ARID1B: variants seen among roughly 807,000 people sequenced by gnomAD.
The protein encoded by ARID1B is AT-rich interaction domain 1B.
Under a neutral mutation model 212.3 loss-of-function variants are expected in ARID1B, and 30 were observed. The ratio of observed to expected loss-of-function variants is 0.14; its 90% confidence interval spans 0.11 to 0.19. ARID1B has a LOEUF of 0.19. Ranked by LOEUF, ARID1B falls within the 10% of genes least tolerant of loss-of-function variation. The pLI is 1.00. For synonymous variants in ARID1B, 1,402 were observed against 1,301.7 expected, an observed-to-expected ratio of 1.08 and a Z score of -1.66; for missense variants, 2,891 against 3,204.0, an observed-to-expected ratio of 0.90 and a Z score of 2.36.
rs1238523085 is a variant in ARID1B, at chr6:156,778,513, C to T, written c.833C>T (p.Pro278Leu). ...EDDAPPKMGE[P>L]AGGRYEHPGL... ...GACGCGCCGCCCAAGATGGGGGAGC[C>T]GGCGGGCGGCCGCTACGAGCACCCG... The change falls in exon 1 of 20, where the codon CCG becomes CTG. Residue 278 changes from proline to leucine, a missense_variant. Pro to Leu is a moderately conservative substitution (Grantham distance 98). Transcript: ENST00000636930. 4.9e-5 allele frequency: 60 copies of T among 1,236,304 alleles called. No homozygotes were observed. Among genetic ancestry groups the T allele is most frequent in the Non-Finnish European group, 5.8e-5 (58 of 993,426 alleles). The allele number at this position is 1,236,304 out of a possible 1,614,324, so 76.6% of individuals were successfully genotyped here.
At chr6:157,049,175 G>GAAAA (rs375616004) in intron 4 of ARID1B, among the ~76,000 whole-genome samples, 1 of 116,980 alleles carries the variant, frequency 8.5e-6, no homozygotes, top group African/African-American at 3.2e-5. Context: ...TCAGTCTGGA[G>GAAAA]AAAAAAAAAA....
At chr6:156,840,437 GGACCCATCGTCTA>G (rs1355423355) in intron 2 of ARID1B, among the ~76,000 whole-genome samples, 9 of 152,178 alleles carry the variant, frequency 5.9e-5, no homozygotes. Flanking sequence ...CCACGGGTGT[GGACCCATCGTCTA>G]GAGCCGTACA....
At chr6:156,884,135 ATAG>A (rs1417426924) in intron 2 of ARID1B, among the ~76,000 whole-genome samples, 1 of 152,216 alleles carries the variant, frequency 6.6e-6, no homozygotes, top group Non-Finnish European at 1.5e-5. Context: ...TTTGATGTAA[ATAG>A]TAGAAGATAC....
intron 2 of ARID1B, among the ~76,000 whole-genome samples, chr6:156,872,128 G>A (rs1786181779): frequency 6.6e-6 from 1 of 152,164 alleles, no homozygotes; most frequent in Admixed American, 6.5e-5. Context: ...TTCTCAAGGC[G>A]AGTGATCCTG....
intron 2 of ARID1B, among the ~76,000 whole-genome samples, chr6:156,854,756 A>G (rs767462001): frequency 1.3e-5 from 2 of 152,282 alleles, no homozygotes; most frequent in Non-Finnish European, 2.9e-5. Context: ...TATATAGGGC[A>G]CAGATGAAAC....
intron 3 of ARID1B, among the ~76,000 whole-genome samples, chr6:156,911,509 C>T (rs1340289217): frequency 2.0e-5 from 3 of 151,866 alleles, no homozygotes; most frequent in African/African-American, 7.3e-5. Context: ...TTTCTGTGTC[C>T]TTGTGACAAC....
intron 2 of ARID1B, among the ~76,000 whole-genome samples, chr6:156,858,336 TAAC>T (rs906488348): frequency 6.6e-6 from 1 of 152,188 alleles, no homozygotes; most frequent in Non-Finnish European, 1.5e-5. Flanking sequence ...CAACTATAGT[TAAC>T]AATAATGTAA....
intron 5 of ARID1B, among the ~76,000 whole-genome samples, chr6:157,087,644 C>T (rs1252053056): frequency 6.6e-6 from 1 of 152,190 alleles, no homozygotes; most frequent in East Asian, 1.9e-4. Context: ...AGCAAGTCTT[C>T]TGGTTCTTAA....
intron 4 of ARID1B, among the ~76,000 whole-genome samples, chr6:157,076,444 T>G (rs1164071995): frequency 6.6e-6 from 1 of 151,942 alleles, no homozygotes; most frequent in African/African-American, 2.4e-5. Context: ...TGCCTAATTT[T>G]TTTAAAGTTG....
At chr6:156,873,274 T>C (rs376184459) in intron 2 of ARID1B, among the ~76,000 whole-genome samples, 10 of 152,348 alleles carry the variant, frequency 6.6e-5, no homozygotes, top group African/African-American at 1.9e-4. Flanking sequence ...ATTATGTGAT[T>C]AATGATTGGA....
rs931787425 is a variant in ARID1B, at chr6:156,778,187, C to T, written c.507C>T (p.His169=). ...PAAPPHQQHH[H]HHHAHHHHHH... Reference sequence around the variant, plus strand: ...CGCCGCCCCACCAGCAGCACCACCACCACCACCATGCCCACCACCACCACC... The same window carrying T: ...CGCCGCCCCACCAGCAGCACCACCATCACCACCATGCCCACCACCACCACC... The change falls in exon 1 of 20, where the codon CAC becomes CAT. Residue 169 remains histidine, a synonymous_variant. Coordinates refer to ENST00000636930, the MANE Select transcript of ARID1B (RefSeq NM_001374828.1). 6.5e-7 allele frequency: 1 copy of T among 1,540,836 alleles called. No individual in the cohort carries two copies. Among genetic ancestry groups the T allele is most frequent in the Non-Finnish European group, 8.7e-7 (1 of 1,146,148 alleles).
intron 4 of ARID1B, among the ~76,000 whole-genome samples, chr6:157,033,472 A>G (rs765774451): frequency 2.6e-5 from 4 of 152,214 alleles, no homozygotes; most frequent in African/African-American, 9.7e-5. Context: ...TCTGTTTTCA[A>G]TGAGTGCTTT....
intron 3 of ARID1B, among the ~76,000 whole-genome samples, chr6:156,928,202 G>A (rs1791393097): frequency 1.3e-5 from 2 of 152,158 alleles, no homozygotes; most frequent in Non-Finnish European, 2.9e-5. Context: ...AGCCCAGACT[G>A]GGACTTAAAC....
At chr6:157,108,071 A>G (rs1562623804) in intron 5 of ARID1B, 1 of 152,256 alleles carries the variant, frequency 6.6e-6, no homozygotes, top group Non-Finnish European at 1.5e-5. Context: ...CATAGTAACT[A>G]TGACTTAGTA....
chr6:156,945,214 T>C (rs1049880357), intron 4 of ARID1B, among the ~76,000 whole-genome samples: 6 of 134,496 alleles, frequency 4.5e-5, no homozygotes, highest in African/African-American at 1.1e-4. Context: ...GGATGACCGG[T>C]GTGAGCCCCC....
chr6:156,919,853 A>G (rs1304305250), intron 3 of ARID1B, among the ~76,000 whole-genome samples: 1 of 152,182 alleles, frequency 6.6e-6, no homozygotes, highest in Non-Finnish European at 1.5e-5. Context: ...AATGAATGAT[A>G]TATTTCATCA....
In ARID1B at chr6:157,119,251, C is replaced by G. The variant is rs531844491; in HGVS notation, c.2581+8690C>G. 3.3e-5 allele frequency among the ~76,000 whole-genome samples: 5 copies of G among 152,302 alleles called. No homozygotes were observed. The South Asian group carries it at 1.0e-3, about 32-fold the overall frequency. On this transcript the variant is annotated intron_variant, in intron 6 of 19. Coordinates refer to ENST00000636930, the MANE Select transcript of ARID1B (RefSeq NM_001374828.1). ...TTAACCTCACAGCCTCCTCGCTGTT[C>G]CTCCTGTCCCCAGCCTCATGCCTTT...
intron 4 of ARID1B, among the ~76,000 whole-genome samples, chr6:156,945,233 CTTTTTTTTTTTTTTTTT>C (rs1164805779): frequency 0.16 from 5,175 of 32,556 alleles, 157 homozygotes; most frequent in South Asian, 0.24. Context: ...CCGCATCCGG[CTTTTTTTTTTTTTTTTT>C]TTTTTTTTTT....
intron 1 of ARID1B, among the ~76,000 whole-genome samples, chr6:156,796,125 T>C (rs1780356812): frequency 6.6e-6 from 1 of 152,226 alleles, no homozygotes; most frequent in South Asian, 2.1e-4. Context: ...GGCATACCCC[T>C]GTAATTCTGT....
Sources: gnomAD v4.1 joint callset for allele counts (sites outside exome capture counted in the v4.1 genomes callset) on GRCh38, gnomAD v4.1.1 for gene constraint, MANE v1.5 for transcripts, NCBI Gene and HGNC (gene_info 2026-07-23, HGNC 2026-07-21) for gene names.